MRPL35: variants seen among roughly 807,000 people sequenced by gnomAD.
MRPL35 encodes the protein mitochondrial ribosomal protein L35.
A neutral mutation model predicts 21.6 loss-of-function variants in MRPL35; 18 were observed. The ratio of observed to expected loss-of-function variants is 0.83; its 90% CI spans 0.58 to 1.24. MRPL35 has a LOEUF of 1.24. Ranked by LOEUF, MRPL35 falls within the 50% of genes most tolerant of loss-of-function variation. The pLI is 0.00. For missense variants in MRPL35, 223 were observed against 223.2 expected, an observed-to-expected ratio of 1.00 and a Z score of 0.01; for synonymous variants, 87 against 86.9, an observed-to-expected ratio of 1.00 and a Z score of -0.01.
At chr2:86,206,406 C>T in intron 2 of MRPL35, 111 bp downstream of exon 2, 1 of 1,003,580 alleles carries the variant, frequency 1.0e-6, no homozygotes, top group Non-Finnish European at 1.5e-6. Context: ...ATTCTCAGCT[C>T]ACTGCAACCT....
chr2:86,205,716 G>A (rs1673775687), intron 1 of MRPL35, among the ~76,000 whole-genome samples: 1 of 152,146 alleles, frequency 6.6e-6, no homozygotes, highest in Admixed American at 6.5e-5. Flanking sequence ...TGTCTCTCCA[G>A]GAAGGGTCCA....
chr2:86,210,377 G>A (rs1673879075), intron 3 of MRPL35, 103 bp from the exon 4 acceptor site: 2 of 759,484 alleles, frequency 2.6e-6, no homozygotes, highest in Admixed American at 8.3e-5. Flanking sequence ...CCCTATGGAA[G>A]TCTGGTTTTT....
Position 86,199,513 on chromosome 2 carries a change from G to T in MRPL35, c.23G>T (p.Gly8Val). MAASAFA[G>V]AVRAASGILR... ...AAGATGGCTGCCTCTGCCTTTGCTG[G>T]TGCAGTGAGAGCAGCTTCAGGTCAG... Residue 8 changes from glycine (G) to valine (V), a missense_variant, in exon 1 of 4, where the codon GGT (glycine) becomes GTT (valine). Physicochemically the swap from Gly to Val is moderately radical, Grantham distance 109. Coordinates refer to ENST00000337109, the MANE Select transcript of MRPL35 (RefSeq NM_016622.4). 6.2e-7 allele frequency: 1 copy of T among 1,614,192 alleles called. No individual in the cohort carries two copies. The highest frequency in any genetic ancestry group is 2.2e-5 in the East Asian group (1 of 44,878).
intron 3 of MRPL35, among the ~76,000 whole-genome samples, chr2:86,207,613 G>A (rs1179408655): frequency 2.0e-5 from 3 of 152,170 alleles, no homozygotes; most frequent in African/African-American, 4.8e-5. Context: ...CAGCCTGGGC[G>A]ACAGAGCGAG....
Position 86,213,041 on chromosome 2 carries a change from A to G in MRPL35, c.*2373A>G, listed in dbSNP as rs1573974832. ...TTAGTTAAGCCCTAATTTAGATTTG[A>G]GGAAACTGAAGCTGAGAGAGGGTTA... On this transcript the variant is annotated 3_prime_UTR_variant, in exon 4 of 4. Transcript: ENST00000337109. 1 of 890,250 alleles carries G rather than the reference A, an allele frequency of 1.1e-6. No homozygotes were observed. The highest frequency in any genetic ancestry group is 1.2e-4 in the East Asian group (1 of 8,320). 55.1% of individuals were successfully genotyped at this position (890,250 alleles called of 1,614,324 possible).
At chr2:86,200,611 T>C (rs756684095) in intron 1 of MRPL35, among the ~76,000 whole-genome samples, 1 of 152,242 alleles carries the variant, frequency 6.6e-6, no homozygotes, top group Non-Finnish European at 1.5e-5. Context: ...CGCTTTAGTA[T>C]CTTCTTTTAC....
At position 86,212,865 on chromosome 2, in the gene MRPL35, A is replaced by G; in HGVS notation, c.*2197A>G. The G allele has an allele frequency of 1.1e-6, 1 of 898,042 alleles. No homozygotes were observed. Among genetic ancestry groups the G allele is most frequent in the Non-Finnish European group, 1.3e-6 (1 of 749,502 alleles). 55.6% of individuals were successfully genotyped at this position (898,042 alleles called of 1,614,324 possible). On this transcript the variant is annotated 3_prime_UTR_variant, in exon 4 of 4. Transcript: ENST00000337109. ...CTAAATGATGTTCGATTATATGTAT[A>G]ATTTATAAAATATTTATGTATAGTT... is the stretch of plus-strand genomic sequence containing the variant.
intron 1 of MRPL35, 106 bp downstream of exon 1, chr2:86,199,639 AT>A (rs1331223780): frequency 7.1e-7 from 1 of 1,404,000 alleles, no homozygotes; most frequent in East Asian, 2.3e-5. Context: ...AAGGGTCATT[AT>A]TTAAGTTAAG....
intron 3 of MRPL35, among the ~76,000 whole-genome samples, chr2:86,208,442 G>A (rs1332292484): frequency 1.3e-5 from 2 of 152,120 alleles, no homozygotes; most frequent in Non-Finnish European, 2.9e-5. Flanking sequence ...GAGTAGCTGG[G>A]ATTACAGGCA....
Position 86,211,075 on chromosome 2 carries a change from C to G in MRPL35, c.*407C>G. 3.0e-6 allele frequency: 3 copies of G among 988,508 alleles called. No individual in the cohort carries two copies. Among genetic ancestry groups the G allele is most frequent in the Non-Finnish European group, 3.6e-6 (3 of 831,968 alleles). The allele number at this position is 988,508 out of a possible 1,614,324, so 61.2% of individuals were successfully genotyped here. A position where few individuals can be genotyped will look rare whatever the true frequency, so the allele number is the denominator to read the frequency against. On this transcript the variant is annotated 3_prime_UTR_variant, in exon 4 of 4. Transcript: ENST00000337109. ...CCCATCTCCCACTCAGAAATCACCT[C>G]CCAGCCTCAGGAAGAGTAGAAATTG...
chr2:86,206,093 C>T lies in MRPL35; in HGVS notation c.44-13C>T, dbSNP rs1673782880. The T allele has an allele frequency of 1.3e-6, 2 of 1,591,270 alleles. No individual in the cohort carries two copies. Among genetic ancestry groups the T allele is most frequent in the South Asian group, 1.1e-5 (1 of 89,906 alleles). On this transcript the variant is annotated splice_polypyrimidine_tract_variant and intron_variant, in intron 1 of 3. Transcript: ENST00000337109. ...TTTTGGAGTATTAAATATATATGCT[C>T]CTATCTTTACAGGAATCCTACGGCC...
rs1673898253 is a variant in MRPL35, at chr2:86,211,312, A to G, written c.*644A>G. The G allele has an allele frequency of 2.3e-6, 2 of 888,350 alleles. No homozygotes were observed. The highest frequency in any genetic ancestry group is 1.8e-5 in the African/African-American group (1 of 55,124). The allele number at this position is 888,350 out of a possible 1,614,324, so 55.0% of individuals were successfully genotyped here. ...ATGATGACCTTCAGCTCCTGCTGCT[A>G]GTCTCCAATTGCCAAGGGAATTTAA... On this transcript the variant is annotated 3_prime_UTR_variant, in exon 4 of 4. Transcript: ENST00000337109.
Position 86,213,023 on chromosome 2 carries a change from A to G in MRPL35, c.*2355A>G. On this transcript the variant is annotated 3_prime_UTR_variant, in exon 4 of 4. Coordinates refer to ENST00000337109, the MANE Select transcript of MRPL35 (RefSeq NM_016622.4). ...TTACAAAGGACATAATGATTAGTTA[A>G]GCCCTAATTTAGATTTGAGGAAACT... The G allele has an allele frequency of 1.2e-6, 1 of 814,744 alleles. No homozygotes were observed. Among genetic ancestry groups the G allele is most frequent in the Non-Finnish European group, 1.5e-6 (1 of 674,456 alleles). The allele number at this position is 814,744 out of a possible 1,614,324, so 50.5% of individuals were successfully genotyped here. A position where few individuals can be genotyped will look rare whatever the true frequency, so the allele number is the denominator to read the frequency against.
Position 86,207,239 on chromosome 2 carries a change from T to G in MRPL35, c.290T>G (p.Phe97Cys). The G allele has an allele frequency of 6.2e-7, 1 of 1,614,064 alleles. No individual in the cohort carries two copies. Among genetic ancestry groups the G allele is most frequent in the Non-Finnish European group, 8.5e-7 (1 of 1,179,962 alleles). The change falls in exon 3 of 4, where the codon TTC becomes TGC. Residue 97 changes from phenylalanine (F) to cysteine (C), a missense_variant. By Grantham distance (205) the Phe-to-Cys change is radical. Coordinates refer to ENST00000337109, the MANE Select transcript of MRPL35 (RefSeq NM_016622.4). ...LKLPVRSLTYFSARKGKRKTV... is the reference protein window; with the variant it reads ...LKLPVRSLTYCSARKGKRKTV... ...CTGCCAGTCAGATCTCTAACATACT[T>G]CAGTGCAAGAAAAGGCAAGAGAAAG...
intron 1 of MRPL35, among the ~76,000 whole-genome samples, chr2:86,201,168 C>A (rs7590445): frequency 6.6e-6 from 1 of 151,868 alleles, no homozygotes; most frequent in African/African-American, 2.4e-5. Flanking sequence ...CTGTTGAGGC[C>A]CCACATCCTC....
Position 86,210,719 on chromosome 2 carries a change from A to T in MRPL35, c.*51A>T, listed in dbSNP as rs1171091944. The T allele has an allele frequency of 2.6e-6, 4 of 1,517,760 alleles. No homozygotes were observed. The highest frequency in any genetic ancestry group is 2.8e-5 in the African/African-American group (2 of 72,082). 94.0% of individuals were successfully genotyped at this position (1,517,760 alleles called of 1,614,324 possible). A position where few individuals can be genotyped will look rare whatever the true frequency, so the allele number is the denominator to read the frequency against. ...TTATTGGATATGTATCTTTGTGTACATATCTTTGCAAAAATGGATAAGTAC... is the reference window on the plus strand; with the variant it reads ...TTATTGGATATGTATCTTTGTGTACTTATCTTTGCAAAAATGGATAAGTAC... On this transcript the variant is annotated 3_prime_UTR_variant, in exon 4 of 4. Coordinates refer to ENST00000337109, the MANE Select transcript of MRPL35 (RefSeq NM_016622.4).
In MRPL35 at chr2:86,199,458, A is replaced by G. The variant is rs1476271089; in HGVS notation, c.-33A>G. The G allele has an allele frequency of 1.2e-6, 2 of 1,613,888 alleles. No individual in the cohort carries two copies. The highest frequency in any genetic ancestry group is 4.5e-5 in the East Asian group (2 of 44,888). On this transcript the variant is annotated 5_prime_UTR_variant, in exon 1 of 4. Coordinates refer to ENST00000337109, the MANE Select transcript of MRPL35 (RefSeq NM_016622.4). ...ATTCTCTTTTGCTCTTGTGCTTTTA[A>G]ACCCAAAGCGGCCGCCGTAGGCGAA...
In MRPL35 at chr2:86,211,654, A is replaced by C; in HGVS notation, c.*986A>C. On this transcript the variant is annotated 3_prime_UTR_variant, in exon 4 of 4. Transcript: ENST00000337109. Reference sequence around the variant, plus strand: ...AGTGAAGACAAGGGCTTTTTATGCAAGTTTTGAAAGATAGGTATTTATTTT... The same window carrying C: ...AGTGAAGACAAGGGCTTTTTATGCACGTTTTGAAAGATAGGTATTTATTTT... 1.0e-6 allele frequency: 1 copy of C among 985,424 alleles called. No homozygotes were observed. Among genetic ancestry groups the C allele is most frequent in the Non-Finnish European group, 1.2e-6 (1 of 829,930 alleles). The allele number at this position is 985,424 out of a possible 1,614,324, so 61.0% of individuals were successfully genotyped here. A position where few individuals can be genotyped will look rare whatever the true frequency, so the allele number is the denominator to read the frequency against.
chr2:86,205,055 A>G (rs1316509753), intron 1 of MRPL35, among the ~76,000 whole-genome samples: 2 of 152,058 alleles, frequency 1.3e-5, no homozygotes, highest in African/African-American at 4.8e-5. Context: ...GCTGGGCAAC[A>G]TGGCAAAATT....
Sources: gnomAD v4.1 joint callset for allele counts (sites outside exome capture counted in the v4.1 genomes callset) on GRCh38, gnomAD v4.1.1 for gene constraint, MANE v1.5 for transcripts, NCBI Gene and HGNC (gene_info 2026-07-23, HGNC 2026-07-21) for gene names.